The following ABL1 variants were observed in gnomAD, a reference collection of about 807,000 sequenced individuals.
ABL1 encodes ABL proto-oncogene 1, non-receptor tyrosine kinase.
Under a neutral mutation model 94.7 loss-of-function variants are expected in ABL1, and 11 were observed. That is an observed-to-expected ratio of 0.12 (90% confidence interval 0.07 to 0.19). The LOEUF (loss-of-function observed/expected upper bound fraction) is 0.19, where lower values mean the gene tolerates loss of function less well. Ranked by LOEUF, ABL1 falls within the 10% of genes least tolerant of loss-of-function variation. ABL1 has a pLI of 1.00. For missense variants in ABL1, 1,082 were observed against 1,489.4 expected (o/e 0.73, Z 4.50); for synonymous variants, 656 against 622.4 (o/e 1.05, Z -0.80).
intron 10 of ABL1, among the ~76,000 whole-genome samples, chr9:130,881,351 C>T (rs1288242504): frequency 6.6e-6 from 1 of 152,158 alleles, no homozygotes; most frequent in Non-Finnish European, 1.5e-5. Context: ...TGTTTTCATG[C>T]TGCTAATAAA....
At chr9:130,718,502 G>T (rs2132670273) in intron 1 of ABL1, among the ~76,000 whole-genome samples, 1 of 152,104 alleles carries the variant, frequency 6.6e-6, no homozygotes, top group African/African-American at 2.4e-5. Context: ...TTCTAATGTG[G>T]TAACTATTGA....
At chr9:130,864,217 A>G (rs1452127282) in intron 4 of ABL1, among the ~76,000 whole-genome samples, 1 of 152,126 alleles carries the variant, frequency 6.6e-6, no homozygotes, top group Non-Finnish European at 1.5e-5. Context: ...GGGTTACCTT[A>G]AGGACCCTGG....
At chr9:130,878,981 G>T (rs983023091) in intron 8 of ABL1, among the ~76,000 whole-genome samples, 1 of 151,190 alleles carries the variant, frequency 6.6e-6, no homozygotes, top group East Asian at 2.0e-4. Flanking sequence ...TGGTTCAAGC[G>T]ATTCTCCTGC....
At chr9:130,738,295 G>A (rs374602589) in intron 1 of ABL1, among the ~76,000 whole-genome samples, 1 of 149,694 alleles carries the variant, frequency 6.7e-6, no homozygotes, top group African/African-American at 2.5e-5. Flanking sequence ...TAGACCAATA[G>A]TAGTAACAGG....
At chr9:130,842,081 CAA>C (rs1314866021) in intron 1 of ABL1, among the ~76,000 whole-genome samples, 4 of 104,938 alleles carry the variant, frequency 3.8e-5, no homozygotes, top group Non-Finnish European at 7.3e-5. Context: ...AGAAGGGAGA[CAA>C]AGAGGAATAG....
In ABL1 at chr9:130,872,858, A is replaced by G; in HGVS notation, c.908-2A>G. On this transcript the variant is annotated splice_acceptor_variant, in intron 5 of 10. Transcript: ENST00000318560. LOFTEE classifies it high-confidence loss of function. The surrounding 1 kb of genome is among the most constrained non-coding windows in gnomAD (Gnocchi z 5.0). ...TTGAAGTCCTCGTTGTCTTGTTGGC[A>G]GGGGTCTGCACCCGGGAGCCCCCGT... 6.2e-7 allele frequency: 1 copy of G among 1,605,292 alleles called. No homozygotes were observed. Among genetic ancestry groups the G allele is most frequent in the Non-Finnish European group, 8.5e-7 (1 of 1,173,486 alleles).
chr9:130,811,911 C>CAAAA (rs1203330162), intron 1 of ABL1, among the ~76,000 whole-genome samples: 11 of 18,554 alleles, frequency 5.9e-4, no homozygotes, highest in Admixed American at 1.2e-3. Context: ...GACTCCGTCT[C>CAAAA]AAAAAAAAAA....
At chr9:130,823,319 C>T (rs1323969353) in intron 1 of ABL1, among the ~76,000 whole-genome samples, 1 of 152,124 alleles carries the variant, frequency 6.6e-6, no homozygotes, top group Admixed American at 6.5e-5. Flanking sequence ...AACACCTCTC[C>T]TTCTATTAAC....
chr9:130,781,403 T>C (rs1829753863), intron 1 of ABL1, among the ~76,000 whole-genome samples: 1 of 152,190 alleles, frequency 6.6e-6, no homozygotes, highest in Non-Finnish European at 1.5e-5. Flanking sequence ...TAGCTGCTTT[T>C]GGACTCCTCC....
chr9:130,735,522 C>A (rs1265864525), intron 1 of ABL1, among the ~76,000 whole-genome samples: 1 of 151,376 alleles, frequency 6.6e-6, no homozygotes, highest in Non-Finnish European at 1.5e-5. Flanking sequence ...CAAATACAAG[C>A]AAATATATAT....
intron 1 of ABL1, among the ~76,000 whole-genome samples, chr9:130,841,200 T>C (rs977772157): frequency 6.6e-6 from 1 of 151,582 alleles, no homozygotes; most frequent in Non-Finnish European, 1.5e-5. Flanking sequence ...CAGACTGGAG[T>C]GCAGTTGCAC....
chr9:130,885,205 C>T lies in ABL1; in HGVS notation c.2915C>T (p.Ser972Leu), dbSNP rs2229067. Residue 972 changes from serine (S) to leucine (L), a missense_variant, in exon 11 of 11, where the codon TCG becomes TTG. By Grantham distance (145) the Ser-to-Leu change is moderately radical (BLOSUM62 -2). Transcript: ENST00000318560. ...ATPKPQSAKP[S>L]GTPISPAPVP... The stretch of plus-strand genomic sequence containing the variant: ...CCAAAGCCACAGTCCGCCAAGCCGT[C>T]GGGGACCCCCATCAGCCCAGCCCCC... 29,886 of 1,613,586 alleles carry T rather than the reference C, an allele frequency of 0.019. 437 individuals carry two copies. The highest frequency in any genetic ancestry group is 0.043 in the Middle Eastern group (258 of 6,062).
At position 130,877,501 on chromosome 9, in the gene ABL1, G is replaced by A. The variant is rs560038714; in HGVS notation, c.1271-914G>A. Among the ~76,000 whole-genome samples, 12 of 147,936 alleles carry A rather than the reference G, an allele frequency of 8.1e-5. 1 individual carries two copies. Among genetic ancestry groups the A allele is most frequent in the South Asian group, 6.3e-4 (3 of 4,754 alleles). ...TTAACATGGCCAGCTGACTTCCGGC[G>A]CCAGGTTCCTTCTACCACATATCCC... On this transcript the variant is annotated intron_variant, in intron 7 of 10. Transcript: ENST00000318560.
At chr9:130,801,110 A>G (rs1830048953) in intron 1 of ABL1, among the ~76,000 whole-genome samples, 1 of 151,752 alleles carries the variant, frequency 6.6e-6, no homozygotes, top group Admixed American at 6.6e-5. Flanking sequence ...TTGTATTTTT[A>G]GTAGAGACGG....
intron 1 of ABL1, among the ~76,000 whole-genome samples, chr9:130,830,104 G>T (rs987699616): frequency 1.3e-5 from 2 of 151,956 alleles, no homozygotes; most frequent in Non-Finnish European, 2.9e-5. Flanking sequence ...ATATTACTTT[G>T]ATTAAAAAGA....
At chr9:130,806,145 C>T (rs1427781965) in intron 1 of ABL1, among the ~76,000 whole-genome samples, 1 of 152,124 alleles carries the variant, frequency 6.6e-6, no homozygotes, top group African/African-American at 2.4e-5. Context: ...TGGTCAAAGA[C>T]CAGATGCCAC....
chr9:130,876,139 T>C (rs11244172), intron 7 of ABL1, among the ~76,000 whole-genome samples: 8,226 of 152,046 alleles, frequency 0.054, 265 homozygotes, highest in Admixed American at 0.086. Context: ...AAATGCTTGA[T>C]TTGCTATCGT....
At chr9:130,820,610 A>C (rs1046690288) in intron 1 of ABL1, among the ~76,000 whole-genome samples, 4 of 152,150 alleles carry the variant, frequency 2.6e-5, no homozygotes, top group Admixed American at 6.5e-5. Context: ...TTTCAGGCTG[A>C]CTGTCCAGAC....
At chr9:130,741,054 G>A (rs1162378119) in intron 1 of ABL1, among the ~76,000 whole-genome samples, 1 of 152,032 alleles carries the variant, frequency 6.6e-6, no homozygotes, top group Non-Finnish European at 1.5e-5. Context: ...TTATTATATA[G>A]CAATGAATGG....
Sources: allele counts gnomAD v4.1 joint callset (sites outside exome capture counted in the v4.1 genomes callset), GRCh38; gene constraint gnomAD v4.1.1; non-coding constraint Gnocchi (gnomAD v3.1); transcripts MANE v1.5; gene names NCBI Gene and HGNC (gene_info 2026-07-23, HGNC 2026-07-21).